UVSSA: variants seen among roughly 807,000 people sequenced by gnomAD.
UVSSA encodes UV-stimulated scaffold protein A.
UVSSA carries 72 observed loss-of-function variants against 73.9 expected under a neutral mutation model. The ratio of observed to expected loss-of-function variants is 0.97; its 90% CI spans 0.81 to 1.19. UVSSA has a LOEUF of 1.19. UVSSA is among the 50% of genes most tolerant of loss of function. The probability of loss-of-function intolerance (pLI) is 0.00; values close to 1 mark genes in which losing one functional copy is unlikely to be tolerated. For missense variants in UVSSA, 1,150 were observed against 965.0 expected (o/e 1.19, Z -2.54); for synonymous variants, 454 against 391.3 (o/e 1.16, Z -1.89).
At chr4:1,361,694 G>T (rs1388623311) in intron 7 of UVSSA, among the ~76,000 whole-genome samples, 1 of 152,220 alleles carries the variant, frequency 6.6e-6, no homozygotes, top group African/African-American at 2.4e-5. Context: ...TCCAGGGAGG[G>T]CATTAGCATA....
intron 12 of UVSSA, 59 bp from the exon 13 acceptor site, chr4:1,383,706 CG>C: frequency 6.2e-7 from 1 of 1,602,208 alleles, no homozygotes; most frequent in Non-Finnish European, 8.5e-7. Flanking sequence ...CTGGGGGCCT[CG>C]GGTAAGAGGC....
At position 1,353,154 on chromosome 4, in the gene UVSSA, T is replaced by A. The variant is rs1402850910; in HGVS notation, c.675T>A (p.Asp225Glu). 7 of 1,613,020 alleles carry A rather than the reference T, an allele frequency of 4.3e-6. No homozygotes were observed. In the Admixed American group the frequency reaches 1.0e-4, roughly 23 times the overall value. Residue 225 changes from aspartate to glutamate, a missense_variant, in exon 5 of 14, where the codon GAT (aspartate) becomes GAA (glutamate). Transcript: ENST00000389851. Reference sequence around the variant, plus strand: ...TTGGCATGGCTTCTGGCATGTCCGATGCCCTTCGCTCCTCCTGCGCGGGCC... The same window carrying A: ...TTGGCATGGCTTCTGGCATGTCCGAAGCCCTTCGCTCCTCCTGCGCGGGCC... Reference protein sequence around the residue: ...ESLGMASGMSDALRSSCAGQV... With the variant: ...ESLGMASGMSEALRSSCAGQV...
chr4:1,392,632 G>A (rs890755204), downstream of UVSSA: 14 of 152,158 alleles, frequency 9.2e-5, no homozygotes, highest in East Asian at 1.2e-3. Context: ...TTTCCATGGC[G>A]GGAGCACCGC....
chr4:1,350,907 T>C (rs1560421917), intron 3 of UVSSA, among the ~76,000 whole-genome samples: 1 of 152,208 alleles, frequency 6.6e-6, no homozygotes, highest in African/African-American at 2.4e-5. Context: ...GTTGTTGTTG[T>C]TGATGATGTT....
exon 14 of UVSSA, chr4:1,395,806 A>G (rs375014471): frequency 6.2e-7 from 1 of 1,614,050 alleles, no homozygotes; most frequent in African/African-American, 1.3e-5. Context: ...ATACGTTTTT[A>G]TGTCAAGGAT....
At chr4:1,379,930 A>T in intron 10 of UVSSA, 117 bp from the exon 11 acceptor site, 1 of 1,238,204 alleles carries the variant, frequency 8.1e-7, no homozygotes, top group Non-Finnish European at 1.1e-6. Flanking sequence ...TGCTGTCCAC[A>T]GTGTTGGGGT....
At chr4:1,367,453 G>A (rs987955120) in intron 8 of UVSSA, among the ~76,000 whole-genome samples, 2 of 152,240 alleles carry the variant, frequency 1.3e-5, no homozygotes, top group African/African-American at 4.8e-5. Flanking sequence ...CAACTCATGT[G>A]TGAAGATATG....
At chr4:1,395,880 G>A (rs1265739377) in exon 14 of UVSSA, 5 of 1,600,482 alleles carry the variant, frequency 3.1e-6, no homozygotes, top group Non-Finnish European at 4.3e-6. Flanking sequence ...TGGAAGAGGA[G>A]AGGGTGTTTT....
rs780864945 is a variant in UVSSA, at chr4:1,380,931, G to C, written c.1804G>C (p.Asp602His). The part of the protein sequence containing the change: ...VPRDDEGRPL[D>H]PEDRAREQRR... Reference sequence around the variant, plus strand: ...ACGGGACGACGAAGGACGGCCGCTCGACCCGGAAGACAGGGCTCGTGAGCA... The same window carrying C: ...ACGGGACGACGAAGGACGGCCGCTCCACCCGGAAGACAGGGCTCGTGAGCA... The change falls in exon 12 of 14, where the codon GAC (aspartate) becomes CAC (histidine). Residue 602 changes from aspartate to histidine, a missense_variant. By Grantham distance (81) the Asp-to-His change is moderately conservative. Coordinates refer to ENST00000389851, the MANE Select transcript of UVSSA (RefSeq NM_020894.4). 1.9e-6 allele frequency: 3 copies of C among 1,613,032 alleles called. No individual in the cohort carries two copies. In the South Asian group the frequency reaches 3.3e-5, roughly 18 times the overall value.
chr4:1,351,328 T>A (rs539603171), intron 3 of UVSSA, among the ~76,000 whole-genome samples: 153 of 151,826 alleles, frequency 1.0e-3, no homozygotes, highest in African/African-American at 3.4e-3. Flanking sequence ...CCTCCCAAAG[T>A]GCTGGGGTGA....
At chr4:1,394,423 G>A in exon 14 of UVSSA, 1 of 1,583,440 alleles carries the variant, frequency 6.3e-7, no homozygotes. Context: ...TGAAATCATT[G>A]ATCTACTTCT....
At chr4:1,395,692 C>G (rs1007279033) in exon 14 of UVSSA, 3 of 1,613,762 alleles carry the variant, frequency 1.9e-6, no homozygotes, top group African/African-American at 2.7e-5. Flanking sequence ...TGTGGAGTGC[C>G]CGCCTGCTCA....
At chr4:1,395,973 A>G (rs1169976504) in exon 14 of UVSSA, 2 of 1,475,664 alleles carry the variant, frequency 1.4e-6, no homozygotes, top group Admixed American at 2.2e-5. Context: ...GATGCTGATT[A>G]AAAGACAAAC....
rs1397852828 is a variant in UVSSA at position 1,387,680 on chromosome 4, A to G, written c.*1719A>G. 2.6e-5 allele frequency: 4 copies of G among 152,208 alleles called. No individual in the cohort carries two copies. The highest frequency in any genetic ancestry group is 6.5e-5 in the Admixed American group (1 of 15,280). 9.4% of individuals were successfully genotyped at this position (152,208 alleles called of 1,614,324 possible). On this transcript the variant is annotated 3_prime_UTR_variant, in exon 14 of 14. Coordinates refer to ENST00000389851, the MANE Select transcript of UVSSA (RefSeq NM_020894.4). The stretch of plus-strand genomic sequence containing the variant: ...CATGTGGATATCCAGTTGTCCCAGC[A>G]CCATTTGTTGAAAACATTATTTTTC...
rs563375372 is a variant in UVSSA, at chr4:1,375,958, G to T, written c.1434-76G>T. Reference sequence around the variant, plus strand: ...GACCCGAGGCCCCAGCCTTGCTGTGGGGGTGGGGAGGGAGAGGAGGGTGGC... The same window carrying T: ...GACCCGAGGCCCCAGCCTTGCTGTGTGGGTGGGGAGGGAGAGGAGGGTGGC... On this transcript the variant is annotated intron_variant, in intron 9 of 13. Coordinates refer to ENST00000389851, the MANE Select transcript of UVSSA (RefSeq NM_020894.4). The T allele has an allele frequency of 3.1e-5, 48 of 1,541,594 alleles. No individual in the cohort carries two copies. In the African/African-American group the frequency reaches 6.2e-4, roughly 20 times the overall value.
chr4:1,380,566 AGGGCAGCTCCCAGCC>A (rs1719356859), intron 11 of UVSSA: 2 of 1,304,410 alleles, frequency 1.5e-6, no homozygotes, highest in South Asian at 1.4e-5. Flanking sequence ...CCAGGGGGCC[AGGGCAGCTCCCAGCC>A]GGGCAGCTGG....
chr4:1,364,942 C>G (rs1410774098), intron 7 of UVSSA, among the ~76,000 whole-genome samples: 1 of 152,166 alleles, frequency 6.6e-6, no homozygotes, highest in Non-Finnish European at 1.5e-5. Context: ...AGGCGGGGCT[C>G]TCAGGGAAGG....
At chr4:1,350,699 G>C (rs563745224) in intron 3 of UVSSA, among the ~76,000 whole-genome samples, 1 of 152,032 alleles carries the variant, frequency 6.6e-6, no homozygotes, top group Non-Finnish European at 1.5e-5. Flanking sequence ...GGAAGCCGAG[G>C]CTGGTGGATC....
At chr4:1,368,587 C>T (rs1033781547) in intron 8 of UVSSA, among the ~76,000 whole-genome samples, 5 of 152,360 alleles carry the variant, frequency 3.3e-5, no homozygotes, top group Admixed American at 2.6e-4. Flanking sequence ...GGGGGCCGAG[C>T]GGCCTCGCAG....
Sources: allele counts gnomAD v4.1 joint callset (sites outside exome capture counted in the v4.1 genomes callset), GRCh38; gene constraint gnomAD v4.1.1; transcripts MANE v1.5; gene names NCBI Gene and HGNC (gene_info 2026-07-23, HGNC 2026-07-21).